Variants in ZNF350 observed in about 807,000 individuals in gnomAD.
ZNF350 encodes KRAB zinc finger protein ZFQR.
A neutral mutation model predicts 13.1 loss-of-function variants in ZNF350; 5 were observed. The observed-to-expected ratio is 0.38, with a 90% CI of 0.20 to 0.80. The LOEUF is 0.80. Among genes scored for constraint, ZNF350 ranks in the 30% least tolerant of loss-of-function variants. ZNF350 has a pLI of 0.43. For synonymous variants in ZNF350, 199 were observed against 224.2 expected (o/e 0.89, Z 1.00); for missense variants, 534 against 644.2 (o/e 0.83, Z 1.85).
intron 1 of ZNF350, among the ~76,000 whole-genome samples, chr19:51,978,029 A>C (rs944153738): frequency 6.6e-6 from 1 of 152,204 alleles, no homozygotes; most frequent in Non-Finnish European, 1.5e-5. Context: ...TAGCAGAAAA[A>C]ACAGCAGGAC....
At chr19:51,978,171 A>G (rs2085946206) in intron 1 of ZNF350, among the ~76,000 whole-genome samples, 1 of 152,168 alleles carries the variant, frequency 6.6e-6, no homozygotes, top group Non-Finnish European at 1.5e-5. Flanking sequence ...GGCATTCCCA[A>G]TGCAGACCAC....
chr19:51,982,103 TC>T (rs1291046125), intron 1 of ZNF350: 1 of 151,918 alleles, frequency 6.6e-6, no homozygotes, highest in Non-Finnish European at 1.5e-5. Flanking sequence ...ACATCTCATT[TC>T]CCCCTCAAGC....
At chr19:51,971,031 C>T (rs1262790507) in intron 2 of ZNF350, among the ~76,000 whole-genome samples, 1 of 149,972 alleles carries the variant, frequency 6.7e-6, no homozygotes, top group African/African-American at 2.5e-5. Flanking sequence ...TGGCAAAGGA[C>T]CTACAGCCCT....
At chr19:51,982,601 A>G (rs1460681373) in intron 1 of ZNF350, among the ~76,000 whole-genome samples, 1 of 152,234 alleles carries the variant, frequency 6.6e-6, no homozygotes, top group East Asian at 1.9e-4. Context: ...TAAAAATGTC[A>G]AGTCTCCCAA....
At chr19:51,985,442 T>C (rs897195016) in intron 1 of ZNF350, among the ~76,000 whole-genome samples, 1 of 152,208 alleles carries the variant, frequency 6.6e-6, no homozygotes, top group African/African-American at 2.4e-5. Context: ...AGAAATTACA[T>C]ATTTAAAAAA....
Position 51,966,143 on chromosome 19 carries a change from G to T in ZNF350, c.310C>A (p.His104Asn). 1 of 1,613,846 alleles carries T rather than the reference G, an allele frequency of 6.2e-7. No homozygotes were observed. Among genetic ancestry groups the T allele is most frequent in the Non-Finnish European group, 8.5e-7 (1 of 1,179,946 alleles). Residue 104 changes from histidine (H) to asparagine (N), a missense_variant, in exon 5 of 5, where the codon CAT becomes AAT. By Grantham distance (68) the His-to-Asn change is moderately conservative (BLOSUM62 1). Transcript: ENST00000243644. ...ATATTTTCAAATGCATCATGTTCAT[G>T]ACATGGTTTCCTTCTGTTCACCAGG... ...ESLVNRRKPC[H>N]EHDAFENIVH...
intron 4 of ZNF350, chr19:51,967,403 T>TAAA (rs888279944): frequency 2.7e-5 from 4 of 148,938 alleles, no homozygotes; most frequent in Non-Finnish European, 4.5e-5. Context: ...GACTCTGTCT[T>TAAA]AAAAAAAAAA....
chr19:51,978,148 C>T (rs1185713031), intron 1 of ZNF350, among the ~76,000 whole-genome samples: 1 of 152,164 alleles, frequency 6.6e-6, no homozygotes, highest in East Asian at 1.9e-4. Flanking sequence ...ACCCGGGCCC[C>T]TCAAACAATG....
rs539934472 is a variant in ZNF350 at position 51,965,004 on chromosome 19, G to A, written c.1449C>T (p.Asn483=). ...CCACTGGCTGTCCCACAAGGACTAC[G>A]TTCCTGTTTGCGAGGAGGCCGCTGA... ...LNISGLLANR[N]VVLVGQPVVR... Residue 483 remains asparagine (N), a synonymous_variant, in exon 5 of 5, where the codon AAC becomes AAT. Coordinates refer to ENST00000243644, the MANE Select transcript of ZNF350 (RefSeq NM_021632.4). 1.3e-5 allele frequency: 21 copies of A among 1,614,048 alleles called. No homozygotes were observed. The highest frequency in any genetic ancestry group is 2.7e-5 in the African/African-American group (2 of 74,920).
intron 1 of ZNF350, among the ~76,000 whole-genome samples, chr19:51,985,989 A>G (rs985766816): frequency 1.3e-5 from 2 of 152,208 alleles, no homozygotes; most frequent in African/African-American, 4.8e-5. Context: ...TCTGGGAGAC[A>G]AAAGTGAAAC....
intron 1 of ZNF350, among the ~76,000 whole-genome samples, chr19:51,986,130 C>T (rs2086153503): frequency 6.6e-6 from 1 of 152,216 alleles, no homozygotes; most frequent in East Asian, 1.9e-4. Flanking sequence ...CAGCCATAGA[C>T]AATATATAAT....
chr19:51,973,379 G>A (rs2085800804), intron 2 of ZNF350: 1 of 152,088 alleles, frequency 6.6e-6, no homozygotes, highest in African/African-American at 2.4e-5. Context: ...GGAAGTTTCT[G>A]GCCTATCATA....
intron 4 of ZNF350, among the ~76,000 whole-genome samples, chr19:51,968,272 C>T (rs1205266048): frequency 1.3e-5 from 2 of 151,836 alleles, no homozygotes; most frequent in African/African-American, 4.8e-5. Context: ...GGTGGAATTT[C>T]GTAACAAGAG....
At chr19:51,974,622 T>C (rs2085835609) in intron 1 of ZNF350, 91 bp from the exon 2 acceptor site, 2 of 436,394 alleles carry the variant, frequency 4.6e-6, no homozygotes, top group Non-Finnish European at 4.2e-6. Context: ...CTTAAAGCAA[T>C]GCCCCCAATA....
chr19:51,975,429 T>TAAAAAAAA (rs202054246), intron 1 of ZNF350, among the ~76,000 whole-genome samples: 1 of 88,956 alleles, frequency 1.1e-5, no homozygotes, highest in African/African-American at 4.9e-5. Context: ...AACCTCGTCT[T>TAAAAAAAA]AAAAAAAAAA....
At chr19:51,975,001 A>T (rs2085844619) in intron 1 of ZNF350, 1 of 152,274 alleles carries the variant, frequency 6.6e-6, no homozygotes, top group African/African-American at 2.4e-5. Context: ...AACAGTACTG[A>T]CAATATTTTA....
intron 1 of ZNF350, chr19:51,980,921 T>TTA (rs2086017448): frequency 6.6e-6 from 1 of 152,212 alleles, no homozygotes; most frequent in Admixed American, 6.5e-5. Flanking sequence ...TGTCTTCGGT[T>TTA]TATAGTCTGT....
In ZNF350 at chr19:51,965,129, G is replaced by A; in HGVS notation, c.1324C>T (p.His442Tyr). 1 of 1,614,172 alleles carries A rather than the reference G, an allele frequency of 6.2e-7. No individual in the cohort carries two copies. The change falls in exon 5 of 5, where the codon CAC (histidine) becomes TAC (tyrosine). Residue 442 changes from histidine (H) to tyrosine (Y), a missense_variant. Transcript: ENST00000243644. ...AKVENPPAER[H>Y]SSLHTSDVMQ... is the part of the protein sequence containing the mutation. ...ACATCACTGGTGTGTAATGAGCTGTGCCTCTCTGCAGGAGGATTTTCCACC... is the reference window on the plus strand; with the variant it reads ...ACATCACTGGTGTGTAATGAGCTGTACCTCTCTGCAGGAGGATTTTCCACC...
Position 51,976,087 on chromosome 19 carries a change from GGACCCC to G in ZNF350, c.-171-1562_-171-1557del. On this transcript the variant is annotated intron_variant, in intron 1 of 4. Coordinates refer to ENST00000243644, the MANE Select transcript of ZNF350 (RefSeq NM_021632.4). The surrounding 1 kb of genome is among the most constrained non-coding windows in gnomAD (Gnocchi z 4.5). Reference sequence around the variant, plus strand: ...GAATGCAGTCTTGCAAGACTACTCTGGACCCCTGGCGCCGTTATCTACTGCGACATC... The same window carrying G: ...GAATGCAGTCTTGCAAGACTACTCTGTGGCGCCGTTATCTACTGCGACATC... Among the ~76,000 whole-genome samples, 1 of 133,652 alleles carries G rather than the reference GGACCCC, an allele frequency of 7.5e-6. No homozygotes were observed. The highest frequency in any genetic ancestry group is 3.0e-5 in the African/African-American group (1 of 33,318). 87.7% of individuals were successfully genotyped at this position (133,652 alleles called of 152,430 possible). A position where few individuals can be genotyped will look rare whatever the true frequency, so the allele number is the denominator to read the frequency against.
Sources: allele counts gnomAD v4.1 joint callset (sites outside exome capture counted in the v4.1 genomes callset), GRCh38; gene constraint gnomAD v4.1.1; non-coding constraint Gnocchi (gnomAD v3.1); transcripts MANE v1.5; gene names NCBI Gene and HGNC (gene_info 2026-07-23, HGNC 2026-07-21).